The following FMN2 variants were observed in gnomAD, a reference collection of about 807,000 sequenced individuals.
FMN2 encodes formin 2.
FMN2 carries 51 observed loss-of-function variants against 142.3 expected under a neutral mutation model. That is an observed-to-expected ratio of 0.36 (90% CI 0.29 to 0.45). The LOEUF is 0.45. Among genes scored for constraint, FMN2 ranks in the 20% least tolerant of loss-of-function variants. The pLI is 1.00. For missense variants in FMN2, 1,936 were observed against 2,122.8 expected, an observed-to-expected ratio of 0.91 and a Z score of 1.73; for synonymous variants, 882 against 869.8, an observed-to-expected ratio of 1.01 and a Z score of -0.25.
intron 16 of FMN2, among the ~76,000 whole-genome samples, chr1:240,465,290 C>CCTCT (rs3054545): frequency 0.68 from 99,900 of 147,242 alleles, 35,004 homozygotes; most frequent in African/African-American, 0.84. Flanking sequence ...ATCTCCACCA[C>CCTCT]CTCTCTCCTC....
intron 6 of FMN2, among the ~76,000 whole-genome samples, chr1:240,218,281 C>CAAAAAAA (rs60722656): frequency 1.1e-5 from 1 of 92,954 alleles, no homozygotes; most frequent in African/African-American, 4.0e-5. Flanking sequence ...GACTCTGTCT[C>CAAAAAAA]AAAAAAAAAA....
Position 240,438,103 on chromosome 1 carries a change from TG to T in FMN2, c.4955del (p.Gly1652GlufsTer37). ...CATATTTCTTCATGAAACCAAAACT[TG>T]GAGAGAAGGAGGTGTCCCCAAATGC... Reference protein sequence around the residue: ...TAYFFMKPKLGEKEVSPNAFF... With the variant: ...TAYFFMKPKLXEKEVSPNAFF... On this transcript the variant is annotated frameshift_variant, in exon 16 of 18. Transcript: ENST00000319653. LOFTEE classifies it high-confidence loss of function. The T allele has an allele frequency of 6.2e-7, 1 of 1,614,080 alleles. No homozygotes were observed. The highest frequency in any genetic ancestry group is 8.5e-7 in the Non-Finnish European group (1 of 1,179,998).
chr1:240,382,141 A>T (rs1673246528), intron 14 of FMN2, among the ~76,000 whole-genome samples: 1 of 152,240 alleles, frequency 6.6e-6, no homozygotes, highest in African/African-American at 2.4e-5. Flanking sequence ...AGGTTACAAA[A>T]TAAATGTATA....
chr1:240,156,052 A>C (rs1664012680), intron 2 of FMN2, among the ~76,000 whole-genome samples: 1 of 152,108 alleles, frequency 6.6e-6, no homozygotes, highest in Non-Finnish European at 1.5e-5. Flanking sequence ...CACCTGAGGC[A>C]ACATAGTCAG....
intron 15 of FMN2, among the ~76,000 whole-genome samples, chr1:240,394,238 G>C (rs539389979): frequency 1.3e-5 from 2 of 152,140 alleles, no homozygotes; most frequent in Admixed American, 1.3e-4. Flanking sequence ...ACTCAAAAAA[G>C]ACAAATGTAA....
At chr1:240,367,194 G>GTGTT (rs1199998768) in intron 14 of FMN2, among the ~76,000 whole-genome samples, 4 of 152,114 alleles carry the variant, frequency 2.6e-5, no homozygotes, top group African/African-American at 9.7e-5. Flanking sequence ...GAGAAATCAT[G>GTGTT]TGTTTTCACA....
chr1:240,313,132 A>C (rs534643811), intron 8 of FMN2, among the ~76,000 whole-genome samples: 1 of 152,166 alleles, frequency 6.6e-6, no homozygotes, highest in South Asian at 2.1e-4. Flanking sequence ...TTCTTTTGGG[A>C]GGTCTTTACT....
At chr1:240,121,450 A>G (rs935846632) in intron 1 of FMN2, among the ~76,000 whole-genome samples, 12 of 149,408 alleles carry the variant, frequency 8.0e-5, no homozygotes, top group African/African-American at 3.0e-4. Flanking sequence ...ATCTCGGCTC[A>G]CTGCAAGCTC....
chr1:240,440,067 T>C (rs184055109), intron 16 of FMN2, among the ~76,000 whole-genome samples: 2 of 151,260 alleles, frequency 1.3e-5, no homozygotes, highest in African/African-American at 4.9e-5. Context: ...ATCAGCAAGA[T>C]GGGACTGATG....
At chr1:240,462,002 C>G (rs915493974) in intron 16 of FMN2, among the ~76,000 whole-genome samples, 1 of 152,104 alleles carries the variant, frequency 6.6e-6, no homozygotes, top group Non-Finnish European at 1.5e-5. Context: ...ATAAATTTTA[C>G]CAGTTGATTA....
At chr1:240,285,218 G>A (rs1180618712) in intron 7 of FMN2, 2 of 455,366 alleles carry the variant, frequency 4.4e-6, no homozygotes, top group African/African-American at 2.0e-5. Flanking sequence ...GTCATATTCT[G>A]GATGTGTTTG....
Position 240,231,209 on chromosome 1 carries a change from T to C in FMN2, c.4065+19974T>C, listed in dbSNP as rs1219964982. Among the ~76,000 whole-genome samples the C allele has an allele frequency of 1.5e-5, 2 of 132,334 alleles. 1 individual carries two copies. The highest frequency in any genetic ancestry group is 6.5e-5 in the African/African-American group (2 of 30,968). 86.8% of individuals were successfully genotyped at this position (132,334 alleles called of 152,430 possible). The stretch of plus-strand genomic sequence containing the variant: ...AACAAAAAACTCTCTAATTTGACCA[T>C]CTCTTTGCGTTCCACATTAAGCCTT... On this transcript the variant is annotated intron_variant, in intron 6 of 17. Coordinates refer to ENST00000319653, the MANE Select transcript of FMN2 (RefSeq NM_020066.5).
chr1:240,394,508 G>A (rs558183399), intron 15 of FMN2, among the ~76,000 whole-genome samples: 1 of 152,196 alleles, frequency 6.6e-6, no homozygotes, highest in Non-Finnish European at 1.5e-5. Flanking sequence ...GCAAGGTGAA[G>A]CAACAAGTGC....
Position 240,145,322 on chromosome 1 carries a change from G to A in FMN2, c.1782+21977G>A, listed in dbSNP as rs1051357048. 31 of 1,044,898 alleles carry A rather than the reference G, an allele frequency of 3.0e-5. No individual in the cohort carries two copies. In the Admixed American group the frequency reaches 4.7e-4, roughly 16 times the overall value. The allele number at this position is 1,044,898 out of a possible 1,614,324, so 64.7% of individuals were successfully genotyped here. On this transcript the variant is annotated intron_variant, in intron 2 of 17. Coordinates refer to ENST00000319653, the MANE Select transcript of FMN2 (RefSeq NM_020066.5). ...CTCATCCATGCCGCTGAGGGCCGCCGCTGGGGGCTGCTGGGACTGCACCAG... is the reference window on the plus strand; with the variant it reads ...CTCATCCATGCCGCTGAGGGCCGCCACTGGGGGCTGCTGGGACTGCACCAG...
intron 1 of FMN2, among the ~76,000 whole-genome samples, chr1:240,116,757 A>T (rs1411312566): frequency 7.4e-6 from 1 of 135,284 alleles, no homozygotes; most frequent in African/African-American, 3.3e-5. Flanking sequence ...CCTTATCTTT[A>T]AAAAAAAAAA....
chr1:240,107,300 T>C (rs918612281), intron 1 of FMN2, among the ~76,000 whole-genome samples: 6 of 152,258 alleles, frequency 3.9e-5, no homozygotes, highest in Non-Finnish European at 7.3e-5. Context: ...ACCACTGATA[T>C]TCTTTCCAGC....
intron 6 of FMN2, among the ~76,000 whole-genome samples, chr1:240,222,504 A>AG (rs1422728381): frequency 7.5e-6 from 1 of 132,544 alleles, no homozygotes; most frequent in Non-Finnish European, 1.6e-5. Flanking sequence ...AATTTAAAGT[A>AG]GTTTTTTTTT....
chr1:240,186,902 T>A (rs1665479334), intron 3 of FMN2, among the ~76,000 whole-genome samples: 1 of 151,168 alleles, frequency 6.6e-6, no homozygotes, highest in Non-Finnish European at 1.5e-5. Flanking sequence ...AAATGCCTTT[T>A]ATTTTTCTGT....
chr1:240,436,137 G>A (rs1010039942), intron 15 of FMN2, among the ~76,000 whole-genome samples: 9 of 152,080 alleles, frequency 5.9e-5, no homozygotes, highest in Admixed American at 5.9e-4. Context: ...AACACATTCC[G>A]CCAGGTGCAT....
Sources: gnomAD v4.1 joint callset for allele counts (sites outside exome capture counted in the v4.1 genomes callset) on GRCh38, gnomAD v4.1.1 for gene constraint, MANE v1.5 for transcripts, NCBI Gene and HGNC (gene_info 2026-07-23, HGNC 2026-07-21) for gene names.